Variants in HDAC9 observed in about 807,000 individuals in gnomAD.
HDAC9 encodes the protein MEF-2 interacting transcription repressor (MITR) protein.
Under a neutral mutation model 139.4 loss-of-function variants are expected in HDAC9, and 41 were observed. The ratio of observed to expected loss-of-function variants is 0.29; its 90% CI spans 0.23 to 0.38. The LOEUF is 0.38. Among genes scored for constraint, HDAC9 ranks in the 10% least tolerant of loss-of-function variants. The probability of loss-of-function intolerance (pLI) is 1.00; values close to 1 mark genes in which losing one functional copy is unlikely to be tolerated. For synonymous variants in HDAC9, 517 were observed against 476.2 expected (o/e 1.09, Z -1.12); for missense variants, 1,147 against 1,297.0 (o/e 0.88, Z 1.78).
chr7:18,892,286 C>T (rs188286680), intron 22 of HDAC9: 63 of 152,246 alleles, frequency 4.1e-4, no homozygotes, highest in Admixed American at 2.9e-3. Flanking sequence ...ACATTTAAAA[C>T]GTGTTTATAA....
intron 25 of HDAC9, among the ~76,000 whole-genome samples, chr7:18,976,869 C>T (rs553040602): frequency 6.6e-6 from 1 of 152,310 alleles, no homozygotes; most frequent in Non-Finnish European, 1.5e-5. Flanking sequence ...GGAAATCAGA[C>T]TCCCTCCGTC....
At chr7:18,589,038 T>G (rs1456013912) in intron 3 of HDAC9, among the ~76,000 whole-genome samples, 1 of 152,180 alleles carries the variant, frequency 6.6e-6, no homozygotes, top group African/African-American at 2.4e-5. Context: ...AAGAGAGATA[T>G]TCTCTCTCTT....
chr7:18,410,153 A>G (rs1788409757), intron 1 of HDAC9, among the ~76,000 whole-genome samples: 1 of 152,158 alleles, frequency 6.6e-6, no homozygotes, highest in South Asian at 2.1e-4. Context: ...AAGGTACTTC[A>G]TCCATTGGCA....
chr7:18,261,072 G>A (rs1795642124), intron 2 of HDAC9, among the ~76,000 whole-genome samples: 1 of 152,078 alleles, frequency 6.6e-6, no homozygotes, highest in Non-Finnish European at 1.5e-5. Context: ...GGAGGCCGAG[G>A]CAGGGAGATT....
Position 18,459,996 on chromosome 7 carries a change from T to C in HDAC9, c.-41-36266T>C, listed in dbSNP as rs374255512. 5.0e-4 allele frequency among the ~76,000 whole-genome samples: 75 copies of C among 149,492 alleles called. 1 individual carries two copies. The highest frequency in any genetic ancestry group is 1.7e-3 in the African/African-American group (70 of 40,760). The stretch of plus-strand genomic sequence containing the variant: ...GTTCTGCTCATCACCCATGGCTCAC[T>C]GGAGCCTCAAATTCCTGGGCACAGG... On this transcript the variant is annotated intron_variant, in intron 1 of 3. Transcript: ENST00000413509.
chr7:18,564,714 T>C (rs17150238), intron 2 of HDAC9, among the ~76,000 whole-genome samples: 40,237 of 152,036 alleles, frequency 0.26, 5,517 homozygotes, highest in Admixed American at 0.32. Context: ...ACTACTTTTG[T>C]ATTAACATTT....
At chr7:18,214,181 T>TAATAGAGTA (rs1229322072) in intron 2 of HDAC9, among the ~76,000 whole-genome samples, 4 of 152,132 alleles carry the variant, frequency 2.6e-5, no homozygotes, top group African/African-American at 9.7e-5. Flanking sequence ...ATTTTTATAT[T>TAATAGAGTA]AATAGAGTAT....
At chr7:18,293,803 C>T (rs1293776079) in intron 1 of HDAC9, among the ~76,000 whole-genome samples, 1 of 151,876 alleles carries the variant, frequency 6.6e-6, no homozygotes, top group African/African-American at 2.4e-5. Context: ...CGTACTAGTG[C>T]CTTCATGTTT....
intron 21 of HDAC9, among the ~76,000 whole-genome samples, chr7:18,842,671 T>C (rs890033486): frequency 5.3e-5 from 8 of 152,062 alleles, no homozygotes; most frequent in East Asian, 3.9e-4. Context: ...AAAATAAATA[T>C]AGTTTAAGGA....
intron 22 of HDAC9, among the ~76,000 whole-genome samples, chr7:18,919,932 A>G (rs1002310743): frequency 1.3e-5 from 2 of 152,140 alleles, no homozygotes; most frequent in Non-Finnish European, 2.9e-5. Context: ...AGGTAGCATG[A>G]TGCCTCCAGC....
At position 18,835,591 on chromosome 7, in the gene HDAC9, G is replaced by T; in HGVS notation, c.2586+5G>T. ...GGCAGTGGAGCCCCAAATGAGGTTCGGTTTATTTCTTTAGAGCCCCACTTT... is the reference window on the plus strand; with the variant it reads ...GGCAGTGGAGCCCCAAATGAGGTTCTGTTTATTTCTTTAGAGCCCCACTTT... On this transcript the variant is annotated splice_donor_5th_base_variant and intron_variant, in intron 20 of 25. Transcript: ENST00000686413. The T allele has an allele frequency of 6.2e-7, 1 of 1,613,622 alleles. No homozygotes were observed. Among genetic ancestry groups the T allele is most frequent in the Non-Finnish European group, 8.5e-7 (1 of 1,179,604 alleles).
intron 21 of HDAC9, among the ~76,000 whole-genome samples, chr7:18,868,437 C>A (rs1460715428): frequency 2.0e-5 from 3 of 152,190 alleles, no homozygotes; most frequent in Non-Finnish European, 4.4e-5. Flanking sequence ...TGGTTGCTGG[C>A]ATCAAGGAAA....
chr7:18,477,560 G>T (rs1339325048), intron 1 of HDAC9, among the ~76,000 whole-genome samples: 3 of 152,124 alleles, frequency 2.0e-5, no homozygotes, highest in Admixed American at 6.5e-5. Context: ...ACTAGTAAAA[G>T]ATATTTTTAT....
chr7:18,491,372 A>C (rs1356574446), upstream of HDAC9, among the ~76,000 whole-genome samples: 1 of 152,002 alleles, frequency 6.6e-6, no homozygotes, highest in Non-Finnish European at 1.5e-5. Flanking sequence ...AACAGTTATG[A>C]TGCAGACAAA....
intron 2 of HDAC9, among the ~76,000 whole-genome samples, chr7:18,530,825 C>T (rs1172434161): frequency 6.7e-6 from 1 of 149,528 alleles, no homozygotes; most frequent in Non-Finnish European, 1.5e-5. Flanking sequence ...TATATAAATA[C>T]ATATATGTAA....
At chr7:18,889,801 G>A (rs1236113347) in intron 22 of HDAC9, among the ~76,000 whole-genome samples, 1 of 152,178 alleles carries the variant, frequency 6.6e-6, no homozygotes, top group African/African-American at 2.4e-5. Flanking sequence ...GGGCTCAAGT[G>A]ATCCTCCCAC....
At chr7:18,611,274 G>T (rs771822939) in intron 6 of HDAC9, among the ~76,000 whole-genome samples, 84 of 152,138 alleles carry the variant, frequency 5.5e-4, no homozygotes, top group Non-Finnish European at 1.1e-3. Flanking sequence ...GTATTATTTG[G>T]TCAGGAATAA....
At position 18,840,912 on chromosome 7, in the gene HDAC9, G is replaced by T. The variant is rs181877365; in HGVS notation, c.2684+4915G>T. Among the ~76,000 whole-genome samples the T allele has an allele frequency of 1.3e-4, 20 of 152,122 alleles. No individual in the cohort carries two copies. The East Asian group carries it at 3.5e-3, about 26-fold the overall frequency. On this transcript the variant is annotated intron_variant, in intron 21 of 25. Coordinates refer to ENST00000686413, the MANE Select transcript of HDAC9 (RefSeq NM_178425.4). ...GCTTCCGGGGATTCCTCCCCTGCTT[G>T]TGACAAAAATGTAGAAAGGGCATTT...
chr7:18,921,293 G>A (rs1563057135), intron 22 of HDAC9, among the ~76,000 whole-genome samples: 3 of 152,060 alleles, frequency 2.0e-5, no homozygotes, highest in Admixed American at 1.3e-4. Context: ...GAGTGAACAG[G>A]CAACCTACAG....
Sources: gnomAD v4.1 joint callset for allele counts (sites outside exome capture counted in the v4.1 genomes callset) on GRCh38, gnomAD v4.1.1 for gene constraint, MANE v1.5 for transcripts, NCBI Gene and HGNC (gene_info 2026-07-23, HGNC 2026-07-21) for gene names.